IGSF10: variants seen among roughly 807,000 people sequenced by gnomAD.
IGSF10 encodes the protein immunoglobulin superfamily member 10.
IGSF10 carries 126 observed loss-of-function variants against 128.2 expected under a neutral mutation model. The ratio of observed to expected loss-of-function variants is 0.98; its 90% CI spans 0.85 to 1.14. IGSF10 has a LOEUF of 1.14. Ranked by LOEUF, IGSF10 falls within the 50% of genes most tolerant of loss-of-function variation. The probability of loss-of-function intolerance (pLI) is 0.00; values close to 1 mark genes in which losing one functional copy is unlikely to be tolerated. For missense variants in IGSF10, 3,295 were observed against 3,149.8 expected (o/e 1.05, Z -1.10); for synonymous variants, 1,185 against 1,146.2 (o/e 1.03, Z -0.68).
At position 151,436,728 on chromosome 3, in the gene IGSF10, A is replaced by G; in HGVS notation, c.7833T>C (p.Leu2611=). 3 of 1,613,906 alleles carry G rather than the reference A, an allele frequency of 1.9e-6. No homozygotes were observed. The highest frequency in any genetic ancestry group is 4.5e-5 in the East Asian group (2 of 44,884). ...TATACGTTGCTGCATAATCACTACC[A>G]AGTGGGTTCTTTGCTGTGCATTTGT... The part of the protein sequence containing the change: ...GIYKCTAKNP[L]GSDYAATYIQ... Residue 2611 remains leucine, a synonymous_variant, in exon 8 of 8, where the codon CTT becomes CTC. Coordinates refer to ENST00000282466, the MANE Select transcript of IGSF10 (RefSeq NM_178822.5).
the IGSF10 span, among the ~76,000 whole-genome samples, chr3:151,572,659 CA>C: frequency 2.0e-5 from 3 of 151,970 alleles, no homozygotes; most frequent in East Asian, 1.9e-4. Context: ...TTGAGCTTTT[CA>C]AAAAAACAGC....
At chr3:151,480,504 T>A in the IGSF10 span, among the ~76,000 whole-genome samples, 2 of 152,146 alleles carry the variant, frequency 1.3e-5, no homozygotes, top group Admixed American at 1.3e-4. Flanking sequence ...GCTGACGCTG[T>A]GCACTGACCA....
the IGSF10 span, among the ~76,000 whole-genome samples, chr3:151,496,097 T>C: frequency 3.9e-5 from 6 of 152,100 alleles, no homozygotes; most frequent in African/African-American, 1.2e-4. Flanking sequence ...CACTTTTGCA[T>C]CTGAACGGGA....
chr3:151,461,193 G>C (rs568998167), upstream of IGSF10: 238 of 985,204 alleles, frequency 2.4e-4, no homozygotes, highest in Non-Finnish European at 2.7e-4. Flanking sequence ...AAGCTAATTC[G>C]CCGTGGCTTC....
At chr3:151,480,594 G>T in the IGSF10 span, among the ~76,000 whole-genome samples, 1 of 152,052 alleles carries the variant, frequency 6.6e-6, no homozygotes, top group Non-Finnish European at 1.5e-5. Context: ...TATTCCAGTG[G>T]CAAGCAGCCA....
chr3:151,535,328 G>A, the IGSF10 span, among the ~76,000 whole-genome samples: 2 of 152,110 alleles, frequency 1.3e-5, no homozygotes, highest in Non-Finnish European at 2.9e-5. Flanking sequence ...TGCAGCTGGA[G>A]GCTATTATCC....
At chr3:151,470,259 G>C in the IGSF10 span, among the ~76,000 whole-genome samples, 2 of 152,100 alleles carry the variant, frequency 1.3e-5, no homozygotes, top group Non-Finnish European at 2.9e-5. Context: ...TTCATACAAA[G>C]GTCACAAGGC....
the IGSF10 span, among the ~76,000 whole-genome samples, chr3:151,478,961 C>A: frequency 6.6e-6 from 1 of 152,156 alleles, no homozygotes. Flanking sequence ...TCAGAAGAAG[C>A]ATTTTAAATT....
chr3:151,504,923 C>T, the IGSF10 span, among the ~76,000 whole-genome samples: 6 of 152,198 alleles, frequency 3.9e-5, no homozygotes, highest in Non-Finnish European at 7.3e-5. Context: ...ACTTCATTGT[C>T]CATATCACCA....
intron 6 of IGSF10, among the ~76,000 whole-genome samples, chr3:151,444,116 A>G (rs932742097): frequency 6.6e-6 from 1 of 152,046 alleles, no homozygotes; most frequent in African/African-American, 2.4e-5. Context: ...TCTACAAACA[A>G]AAAATAAAAT....
At chr3:151,491,486 G>A in the IGSF10 span, among the ~76,000 whole-genome samples, 45 of 152,288 alleles carry the variant, frequency 3.0e-4, no homozygotes, top group South Asian at 8.3e-3. Context: ...GCTGAGGCAA[G>A]AGAATCTCTT....
Position 151,447,787 on chromosome 3 carries a change from A to C in IGSF10, c.2194T>G (p.Ser732Ala), listed in dbSNP as rs1359447661. ...TTCTCCCTAAAACGTCGATGTGTTG[A>C]ATCTCCACGTCGCTGGAGTGTTAAT... is the stretch of plus-strand genomic sequence containing the variant. ...RELTLQRRGDSTHRRFRENRR... is the reference protein window; with the variant it reads ...RELTLQRRGDATHRRFRENRR... The change falls in exon 6 of 8, where the codon TCA (serine) becomes GCA (alanine). Residue 732 changes from serine (S) to alanine (A), a missense_variant. Transcript: ENST00000282466. 6.2e-7 allele frequency: 1 copy of C among 1,614,126 alleles called. No homozygotes were observed. Among genetic ancestry groups the C allele is most frequent in the Non-Finnish European group, 8.5e-7 (1 of 1,180,022 alleles).
At chr3:151,463,562 C>CGGAGTTTTTTTTTTTT (rs1722166629), upstream of IGSF10, among the ~76,000 whole-genome samples, 1 of 83,624 alleles carries the variant, frequency 1.2e-5, no homozygotes, top group Non-Finnish European at 2.2e-5. Context: ...TTTTTTTTTT[C>CGGAGTTTTTTTTTTTT]TGAGACGGAG....
chr3:151,482,016 G>A, the IGSF10 span, among the ~76,000 whole-genome samples: 4 of 151,998 alleles, frequency 2.6e-5, no homozygotes, highest in South Asian at 2.1e-4. Flanking sequence ...CTGCCCAACC[G>A]ACACCCTCAA....
the IGSF10 span, among the ~76,000 whole-genome samples, chr3:151,484,128 C>T: frequency 2.0e-5 from 3 of 152,194 alleles, no homozygotes; most frequent in Admixed American, 1.3e-4. Flanking sequence ...GGGACATCTG[C>T]CATTGCTGAG....
chr3:151,615,897 C>T, the IGSF10 span, among the ~76,000 whole-genome samples: 6 of 149,940 alleles, frequency 4.0e-5, no homozygotes, highest in Non-Finnish European at 4.4e-5. Context: ...TATAGGGATT[C>T]GTTTATTTAT....
chr3:151,485,087 C>T, the IGSF10 span, among the ~76,000 whole-genome samples: 2 of 152,098 alleles, frequency 1.3e-5, no homozygotes, highest in Non-Finnish European at 2.9e-5. Flanking sequence ...CTATAATAAT[C>T]GGTTTAGAGA....
At chr3:151,557,555 G>A in the IGSF10 span, among the ~76,000 whole-genome samples, 1 of 152,054 alleles carries the variant, frequency 6.6e-6, no homozygotes, top group African/African-American at 2.4e-5. Context: ...ATACAAAGGG[G>A]CATATTATGC....
the IGSF10 span, among the ~76,000 whole-genome samples, chr3:151,534,344 C>T: frequency 6.6e-6 from 1 of 152,164 alleles, no homozygotes; most frequent in African/African-American, 2.4e-5. Context: ...TCTATAAAGA[C>T]ACATGCACAT....
Sources: gnomAD v4.1 joint callset for allele counts (sites outside exome capture counted in the v4.1 genomes callset) on GRCh38, gnomAD v4.1.1 for gene constraint, MANE v1.5 for transcripts, NCBI Gene and HGNC (gene_info 2026-07-23, HGNC 2026-07-21) for gene names.